PEAK1: variants seen among roughly 807,000 people sequenced by gnomAD.
PEAK1 encodes pseudopodium enriched atypical kinase 1, also known as inactive tyrosine-protein kinase PEAK1.
A neutral mutation model predicts 124.7 loss-of-function variants in PEAK1; 54 were observed. The observed-to-expected ratio is 0.43, with a 90% confidence interval of 0.35 to 0.54. PEAK1 has a LOEUF of 0.54. Ranked by LOEUF, PEAK1 falls within the 20% of genes least tolerant of loss-of-function variation. The probability of loss-of-function intolerance (pLI) is 0.01; values close to 1 mark genes in which losing one functional copy is unlikely to be tolerated. For synonymous variants in PEAK1, 719 were observed against 760.0 expected (o/e 0.95, Z 0.89); for missense variants, 2,046 against 2,134.5 (o/e 0.96, Z 0.82).
In PEAK1 at chr15:77,320,375, T is replaced by G. The variant is rs535476991; in HGVS notation, c.-602-33871A>C. On this transcript the variant is annotated intron_variant, in intron 2 of 9. Coordinates refer to ENST00000682557, the MANE Select transcript of PEAK1 (RefSeq NM_001385026.1). ...CTCATATATTTTATATCCCTAGTGC[T>G]GATCATGATGCTTACAAACAGTAGA... 1.5e-3 allele frequency among the ~76,000 whole-genome samples: 223 copies of G among 152,328 alleles called. 1 individual carries two copies. The highest frequency in any genetic ancestry group is 5.2e-3 in the African/African-American group (217 of 41,578).
rs573192359 is a variant in PEAK1 at position 77,265,164 on chromosome 15, C to A, written c.-274-12638G>T. 2.9e-3 allele frequency among the ~76,000 whole-genome samples: 442 copies of A among 151,986 alleles called. 3 individuals are homozygous for A. Among genetic ancestry groups the A allele is most frequent in the Non-Finnish European group, 4.5e-3 (304 of 67,870 alleles). ...AACCATAAAAACCCTAGAAGAAAAC[C>A]CAGGCATTACCATTCAGGACATAGG... is the stretch of plus-strand genomic sequence containing the variant. On this transcript the variant is annotated intron_variant, in intron 5 of 9. Coordinates refer to ENST00000682557, the MANE Select transcript of PEAK1 (RefSeq NM_001385026.1).
rs955150911 is a variant in PEAK1 at position 77,348,421 on chromosome 15, A to G, written c.-603+16742T>C. Reference sequence around the variant, plus strand: ...TATAAGCAAGGGAAATGTCTTTAAAAAACAGCTGATTTTTTAAAAAGAAAA... The same window carrying G: ...TATAAGCAAGGGAAATGTCTTTAAAGAACAGCTGATTTTTTAAAAAGAAAA... On this transcript the variant is annotated intron_variant, in intron 2 of 9. Coordinates refer to ENST00000682557, the MANE Select transcript of PEAK1 (RefSeq NM_001385026.1). The G allele has an allele frequency of 2.5e-5, 23 of 926,024 alleles. 1 individual carries two copies. Among genetic ancestry groups the G allele is most frequent in the Non-Finnish European group, 2.8e-5 (22 of 776,242 alleles). The allele number at this position is 926,024 out of a possible 1,614,324, so 57.4% of individuals were successfully genotyped here. A position where few individuals can be genotyped will look rare whatever the true frequency, so the allele number is the denominator to read the frequency against.
intron 2 of PEAK1, among the ~76,000 whole-genome samples, chr15:77,291,317 G>A (rs1053818029): frequency 6.6e-6 from 1 of 152,150 alleles, no homozygotes; most frequent in Non-Finnish European, 1.5e-5. Context: ...CTTTTGAGCT[G>A]TCATATTCAA....
intron 2 of PEAK1, among the ~76,000 whole-genome samples, chr15:77,343,661 T>C (rs2066690196): frequency 6.6e-6 from 1 of 151,954 alleles, no homozygotes; most frequent in African/African-American, 2.4e-5. Flanking sequence ...AATTTTTGTA[T>C]TTTTTATACA....
Position 77,336,674 on chromosome 15 carries a change from A to G in PEAK1, c.-603+28489T>C, listed in dbSNP as rs147910592. 1.8e-3 allele frequency: 697 copies of G among 383,316 alleles called. 6 individuals carry two copies. Among genetic ancestry groups the G allele is most frequent in the African/African-American group, 0.014 (654 of 45,610 alleles). 23.7% of individuals were successfully genotyped at this position (383,316 alleles called of 1,614,324 possible). On this transcript the variant is annotated intron_variant, in intron 2 of 9. Transcript: ENST00000682557. ...AGATCAATCACATTCTTGATTATATACCTCTATAAAATAAAATGAAGATTA... is the reference window on the plus strand; with the variant it reads ...AGATCAATCACATTCTTGATTATATGCCTCTATAAAATAAAATGAAGATTA...
At chr15:77,257,569 G>T (rs1232871103) in intron 5 of PEAK1, among the ~76,000 whole-genome samples, 2 of 151,352 alleles carry the variant, frequency 1.3e-5, no homozygotes, top group East Asian at 3.9e-4. Flanking sequence ...CTTTTTGATG[G>T]GGTTGTTTGT....
intron 1 of PEAK1, among the ~76,000 whole-genome samples, chr15:77,407,823 A>G (rs1275189239): frequency 2.0e-5 from 3 of 152,086 alleles, no homozygotes; most frequent in African/African-American, 7.2e-5. Flanking sequence ...TTATAGCAGT[A>G]CAATTCGCAA....
At position 77,258,598 on chromosome 15, in the gene PEAK1, G is replaced by A. The variant is rs551345289; in HGVS notation, c.-274-6072C>T. ...TTTTGTATCCTGAGACTTTGCTGAA[G>A]TTGCTTATCAGCTTTAGGAGATTTT... On this transcript the variant is annotated intron_variant, in intron 5 of 9. Transcript: ENST00000682557. Among the ~76,000 whole-genome samples the A allele has an allele frequency of 1.8e-4, 28 of 152,328 alleles. No homozygotes were observed. In the East Asian group the frequency reaches 5.4e-3, roughly 29 times the overall value.
At chr15:77,357,050 T>A (rs1395704776) in intron 2 of PEAK1, among the ~76,000 whole-genome samples, 3 of 152,204 alleles carry the variant, frequency 2.0e-5, no homozygotes, top group African/African-American at 7.2e-5. Flanking sequence ...AAGGATTACC[T>A]GAGCCCAGGA....
chr15:77,355,220 T>G (rs1216255592), intron 2 of PEAK1, among the ~76,000 whole-genome samples: 1 of 151,952 alleles, frequency 6.6e-6, no homozygotes, highest in Non-Finnish European at 1.5e-5. Context: ...TTGCAGGAGG[T>G]GGAGAGATAC....
At chr15:77,397,034 T>C (rs1408746490) in intron 1 of PEAK1, among the ~76,000 whole-genome samples, 41 of 152,176 alleles carry the variant, frequency 2.7e-4, no homozygotes, top group Non-Finnish European at 4.4e-5. Flanking sequence ...ACATGGATCA[T>C]TCTCAAGGAT....
At chr15:77,336,892 T>C (rs1404984476) in intron 2 of PEAK1, among the ~76,000 whole-genome samples, 1 of 145,380 alleles carries the variant, frequency 6.9e-6, no homozygotes, top group Non-Finnish European at 1.5e-5. Flanking sequence ...TAGGGCTAAA[T>C]GAAAAAAAAA....
chr15:77,180,769 A>G lies in PEAK1; in HGVS notation c.1158T>C (p.Asn386=), dbSNP rs751539483. Reference sequence around the variant, plus strand: ...GATTATTACTAGAGGGACTTTCATAATTGGGCTCAATTTCCTTCATGTCCT... The same window carrying G: ...GATTATTACTAGAGGGACTTTCATAGTTGGGCTCAATTTCCTTCATGTCCT... ...DSKDMKEIEP[N]YESPSSNNQD... Residue 386 remains asparagine (N), a synonymous_variant, in exon 7 of 10, where the codon AAT becomes AAC. Transcript: ENST00000682557. 1 of 1,613,928 alleles carries G rather than the reference A, an allele frequency of 6.2e-7. No homozygotes were observed. Among genetic ancestry groups the G allele is most frequent in the African/African-American group, 1.3e-5 (1 of 74,896 alleles).
chr15:77,121,550 A>G (rs982702417), intron 9 of PEAK1, among the ~76,000 whole-genome samples: 1 of 152,230 alleles, frequency 6.6e-6, no homozygotes, highest in African/African-American at 2.4e-5. Context: ...TGTTGAGTCC[A>G]GGCTGCCCTG....
intron 5 of PEAK1, among the ~76,000 whole-genome samples, chr15:77,259,712 A>T (rs2061341633): frequency 6.6e-6 from 1 of 152,214 alleles, no homozygotes; most frequent in Non-Finnish European, 1.5e-5. Context: ...CTATTTTCAG[A>T]CACAGGCAAT....
chr15:77,299,667 C>A (rs2063689631), intron 2 of PEAK1, among the ~76,000 whole-genome samples: 1 of 152,134 alleles, frequency 6.6e-6, no homozygotes, highest in African/African-American at 2.4e-5. Flanking sequence ...TGTAGAAAGT[C>A]TCTCAACTTG....
At chr15:77,228,190 T>C (rs917081497) in intron 6 of PEAK1, among the ~76,000 whole-genome samples, 2 of 152,180 alleles carry the variant, frequency 1.3e-5, no homozygotes, top group African/African-American at 2.4e-5. Flanking sequence ...TATGTTTACA[T>C]GTGCCATGTT....
At chr15:77,208,371 T>C (rs957962286) in intron 6 of PEAK1, among the ~76,000 whole-genome samples, 9 of 152,208 alleles carry the variant, frequency 5.9e-5, no homozygotes, top group African/African-American at 1.4e-4. Context: ...TAATCTTTGG[T>C]AACCACATAT....
Position 77,181,645 on chromosome 15 carries a change from G to C in PEAK1, c.282C>G (p.His94Gln), listed in dbSNP as rs1308207617. Residue 94 changes from histidine (H) to glutamine (Q), a missense_variant, in exon 7 of 10, where the codon CAC becomes CAG. Coordinates refer to ENST00000682557, the MANE Select transcript of PEAK1 (RefSeq NM_001385026.1). ...SICGELSIQEHCENKPVIIGW... is the reference protein window; with the variant it reads ...SICGELSIQEQCENKPVIIGW... ...CTATGATGACAGGTTTGTTCTCACA[G>C]TGTTCTTGGATGCTAAGCTCACCAC... 4.8e-5 allele frequency: 77 copies of C among 1,614,030 alleles called. 3 individuals carry two copies. The Admixed American group carries it at 1.3e-3, about 27-fold the overall frequency.
Sources: gnomAD v4.1 joint callset for allele counts (sites outside exome capture counted in the v4.1 genomes callset) on GRCh38, gnomAD v4.1.1 for gene constraint, MANE v1.5 for transcripts, NCBI Gene and HGNC (gene_info 2026-07-23, HGNC 2026-07-21) for gene names.